Variants in PTK2 observed in about 807,000 individuals in gnomAD.
PTK2 encodes protein tyrosine kinase 2, also known as focal adhesion kinase 1.
PTK2 carries 45 observed loss-of-function variants against 150.1 expected under a neutral mutation model. The observed-to-expected ratio is 0.30, with a 90% CI of 0.24 to 0.38. The LOEUF is 0.38. PTK2 is among the 10% of genes least tolerant of loss of function. PTK2 has a pLI of 1.00. For missense variants in PTK2, 919 were observed against 1,307.3 expected, an observed-to-expected ratio of 0.70 and a Z score of 4.58; for synonymous variants, 432 against 449.2, an observed-to-expected ratio of 0.96 and a Z score of 0.48.
intron 26 of PTK2, among the ~76,000 whole-genome samples, chr8:140,693,082 G>A (rs774792833): frequency 4.6e-5 from 7 of 152,002 alleles, no homozygotes; most frequent in Non-Finnish European, 1.0e-4. Flanking sequence ...AAAGCAAGTT[G>A]CAAAGTTACT....
At chr8:140,928,840 A>C (rs138862222) in intron 1 of PTK2, among the ~76,000 whole-genome samples, 1 of 152,296 alleles carries the variant, frequency 6.6e-6, no homozygotes, top group Non-Finnish European at 1.5e-5. Flanking sequence ...AGATGAAAAA[A>C]ATTCTAGAGA....
At chr8:140,914,551 GT>G (rs201582180) in intron 2 of PTK2, among the ~76,000 whole-genome samples, 13 of 144,400 alleles carry the variant, frequency 9.0e-5, no homozygotes, top group Admixed American at 1.4e-4. Flanking sequence ...GCACCCAAGA[GT>G]TTTTTTTTTT....
chr8:140,779,273 A>G (rs2100080309), intron 14 of PTK2, among the ~76,000 whole-genome samples: 1 of 151,252 alleles, frequency 6.6e-6, no homozygotes, highest in African/African-American at 2.4e-5. Flanking sequence ...AAAAAAAAAA[A>G]GAAGACATGC....
At chr8:140,857,635 T>C (rs1465435233) in intron 5 of PTK2, among the ~76,000 whole-genome samples, 1 of 152,152 alleles carries the variant, frequency 6.6e-6, no homozygotes, top group East Asian at 1.9e-4. Context: ...GTAGAAGCCA[T>C]GGGCTGTAAG....
intron 2 of PTK2, among the ~76,000 whole-genome samples, chr8:140,910,594 T>A (rs1183403024): frequency 6.6e-6 from 1 of 152,110 alleles, no homozygotes; most frequent in Non-Finnish European, 1.5e-5. Flanking sequence ...ACCCTAATGC[T>A]TCCTATAACC....
intron 17 of PTK2, among the ~76,000 whole-genome samples, chr8:140,748,576 TG>T (rs1219666201): frequency 6.6e-6 from 1 of 152,024 alleles, no homozygotes; most frequent in Non-Finnish European, 1.5e-5. Flanking sequence ...CTGCCTTTTT[TG>T]GCATACTTTG....
intron 20 of PTK2, 115 bp from the exon 24 acceptor site, chr8:140,739,222 G>A: frequency 1.7e-6 from 1 of 579,186 alleles, no homozygotes. Context: ...GAACCCTTGA[G>A]GCTTCCATTT....
intron 1 of PTK2, among the ~76,000 whole-genome samples, chr8:140,933,773 G>A (rs2100172722): frequency 6.6e-6 from 1 of 152,080 alleles, no homozygotes; most frequent in African/African-American, 2.4e-5. Flanking sequence ...TGGGTATGGG[G>A]TTTTCTTTTG....
intron 5 of PTK2, among the ~76,000 whole-genome samples, chr8:140,861,160 C>T (rs1453461407): frequency 1.3e-5 from 2 of 152,060 alleles, no homozygotes; most frequent in Non-Finnish European, 2.9e-5. Flanking sequence ...GGGTGGGTAA[C>T]ATAGCAAGAC....
chr8:140,756,469 G>A (rs1043141204), intron 16 of PTK2, among the ~76,000 whole-genome samples: 4 of 151,658 alleles, frequency 2.6e-5, no homozygotes, highest in African/African-American at 7.3e-5. Context: ...AGGCCGAGAT[G>A]GGCGGATCAC....
chr8:140,927,010 T>C (rs757983460), intron 1 of PTK2, among the ~76,000 whole-genome samples: 1 of 152,232 alleles, frequency 6.6e-6, no homozygotes, highest in Non-Finnish European at 1.5e-5. Context: ...ACTGCTGTAA[T>C]TGCTTTTTTC....
chr8:140,989,571 T>G (rs1205645635), intron 1 of PTK2, among the ~76,000 whole-genome samples: 1 of 150,978 alleles, frequency 6.6e-6, no homozygotes, highest in African/African-American at 2.4e-5. Context: ...ATACAGGCAC[T>G]TGGCAAAACA....
chr8:140,852,189 G>A (rs1326644145), intron 5 of PTK2, among the ~76,000 whole-genome samples: 4 of 152,166 alleles, frequency 2.6e-5, no homozygotes, highest in East Asian at 1.9e-4. Flanking sequence ...TGGATACAAC[G>A]GTGAAGAAGA....
chr8:140,948,811 A>G (rs978811021), intron 1 of PTK2: 1 of 152,246 alleles, frequency 6.6e-6, no homozygotes, highest in African/African-American at 2.4e-5. Context: ...CAAATAATAC[A>G]GTATAACAAC....
chr8:140,762,874 A>G (rs2100070173), intron 15 of PTK2, among the ~76,000 whole-genome samples: 1 of 152,062 alleles, frequency 6.6e-6, no homozygotes, highest in Non-Finnish European at 1.5e-5. Context: ...TCGACCTCAC[A>G]GGCTCAAACA....
At position 140,793,385 on chromosome 8, in the gene PTK2, C is replaced by T. The variant is rs2100089721; in HGVS notation, c.1094-1G>A. The T allele has an allele frequency of 1.2e-6, 2 of 1,609,848 alleles. No homozygotes were observed. The highest frequency in any genetic ancestry group is 4.5e-5 in the East Asian group (2 of 44,710). On this transcript the variant is annotated splice_acceptor_variant, in intron 12 of 31. Transcript: ENST00000522684. LOFTEE classifies it high-confidence loss of function. ...ATTGATGGCAAAGCCCGTTCACCTT[C>T]TGCGGGGAAAAAGAAAAGAGATGCA...
At chr8:140,961,707 G>C (rs1395291790) in intron 1 of PTK2, among the ~76,000 whole-genome samples, 3 of 151,570 alleles carry the variant, frequency 2.0e-5, no homozygotes, top group Non-Finnish European at 2.9e-5. Context: ...CTACAAATCA[G>C]TCTCACCAAG....
At chr8:140,747,830 C>T (rs949182107) in intron 17 of PTK2, among the ~76,000 whole-genome samples, 3 of 151,908 alleles carry the variant, frequency 2.0e-5, no homozygotes, top group African/African-American at 4.8e-5. Context: ...AAGACGACGA[C>T]AACCATTTCT....
chr8:140,742,390 T>C (rs2100056259), intron 20 of PTK2, among the ~76,000 whole-genome samples: 1 of 152,234 alleles, frequency 6.6e-6, no homozygotes, highest in Admixed American at 6.5e-5. Context: ...TCAGAAGAAA[T>C]GTCCAGACGT....
Sources: gnomAD v4.1 joint callset for allele counts (sites outside exome capture counted in the v4.1 genomes callset) on GRCh38, gnomAD v4.1.1 for gene constraint, MANE v1.5 for transcripts, NCBI Gene and HGNC (gene_info 2026-07-23, HGNC 2026-07-21) for gene names.